TMEM231: variants seen among roughly 807,000 people sequenced by gnomAD.
TMEM231 encodes transmembrane protein 231.
In TMEM231, 40 loss-of-function variants were observed where a neutral mutation model predicts 38.5. That is an observed-to-expected ratio of 1.04 (90% CI 0.81 to 1.35). The LOEUF (loss-of-function observed/expected upper bound fraction) is 1.35, where lower values mean the gene tolerates loss of function less well. Among genes scored for constraint, TMEM231 ranks in the 40% most tolerant of loss-of-function variants. The pLI is 0.00. For synonymous variants in TMEM231, 199 were observed against 181.7 expected, an observed-to-expected ratio of 1.10 and a Z score of -0.77; for missense variants, 420 against 416.9, an observed-to-expected ratio of 1.01 and a Z score of -0.07.
At chr16:75,555,116 AC>A (rs1357851159) in intron 2 of TMEM231, 1 of 152,250 alleles carries the variant, frequency 6.6e-6, no homozygotes, top group Non-Finnish European at 1.5e-5. Flanking sequence ...AGGAGTGACT[AC>A]AAAGGAAGCA....
chr16:75,555,047 GAAGGAAAACCAGAAGTTTCATACTTCTA>G (rs938241551), intron 2 of TMEM231: 3 of 152,170 alleles, frequency 2.0e-5, no homozygotes, highest in African/African-American at 4.8e-5. Flanking sequence ...GAATTTGAAA[GAAGGAAAACCAGAAGTTTCATACTTCTA>G]AAGGAAAACG....
Position 75,538,903 on chromosome 16 carries a change from T to C in TMEM231, c.*1091A>G, listed in dbSNP as rs1277368590. The C allele has an allele frequency of 1.3e-5, 2 of 152,252 alleles. No individual in the cohort carries two copies. Among genetic ancestry groups the C allele is most frequent in the Admixed American group, 6.5e-5 (1 of 15,284 alleles). The allele number at this position is 152,252 out of a possible 1,614,324, so 9.4% of individuals were successfully genotyped here. A position where few individuals can be genotyped will look rare whatever the true frequency, so the allele number is the denominator to read the frequency against. ...TCCACTGGACTGCTTGGTATTCTGC[T>C]AGTGGCCAGGCTGGACTGGCCTGCC... On this transcript the variant is annotated 3_prime_UTR_variant, in exon 7 of 7. Coordinates refer to ENST00000258173, the MANE Select transcript of TMEM231 (RefSeq NM_001077418.3).
At chr16:75,541,710 A>T (rs1000280536) in intron 5 of TMEM231, 1 of 262,668 alleles carries the variant, frequency 3.8e-6, no homozygotes, top group Non-Finnish European at 7.2e-6. Flanking sequence ...TAACTGAAGG[A>T]ATACTATACT....
chr16:75,545,346 T>C lies in TMEM231; in HGVS notation c.582+6A>G, dbSNP rs376300743. ...AAAGGAGCTGGACAATGAGAAGCGC[T>C]CTTACGTTGTATCGGGCATCTAGGC... On this transcript the variant is annotated splice_donor_region_variant and intron_variant, in intron 4 of 6. Coordinates refer to ENST00000258173, the MANE Select transcript of TMEM231 (RefSeq NM_001077418.3). 175 of 1,612,078 alleles carry C rather than the reference T, an allele frequency of 1.1e-4. No homozygotes were observed. Among genetic ancestry groups the C allele is most frequent in the East Asian group, 3.8e-4 (17 of 44,834 alleles).
rs547726287 is a variant in TMEM231, at chr16:75,555,051, G to A, written c.309+753C>T. 5.9e-5 allele frequency: 9 copies of A among 152,252 alleles called. No individual in the cohort carries two copies. In the South Asian group the frequency reaches 1.9e-3, roughly 32 times the overall value. The allele number at this position is 152,252 out of a possible 1,614,324, so 9.4% of individuals were successfully genotyped here. A position where few individuals can be genotyped will look rare whatever the true frequency, so the allele number is the denominator to read the frequency against. On this transcript the variant is annotated intron_variant, in intron 2 of 6. Coordinates refer to ENST00000258173, the MANE Select transcript of TMEM231 (RefSeq NM_001077418.3). ...TGAAGAGATTCGAATTTGAAAGAAG[G>A]AAAACCAGAAGTTTCATACTTCTAA...
chr16:75,556,261 C>A, upstream of TMEM231: 1 of 1,383,436 alleles, frequency 7.2e-7, no homozygotes. Context: ...TTGGCTTCTC[C>A]TGGTTGCCAT....
chr16:75,555,141 A>G (rs1163239067), intron 2 of TMEM231: 1 of 152,232 alleles, frequency 6.6e-6, no homozygotes, highest in Non-Finnish European at 1.5e-5. Flanking sequence ...GCTTATCTCA[A>G]AGCAAATACT....
intron 4 of TMEM231, among the ~76,000 whole-genome samples, chr16:75,543,178 G>C (rs2080647528): frequency 6.6e-6 from 1 of 151,734 alleles, no homozygotes; most frequent in Non-Finnish European, 1.5e-5. Context: ...GAGGCCATGA[G>C]TTCAAGGCCG....
chr16:75,548,484 A>G (rs1486330942), intron 2 of TMEM231, among the ~76,000 whole-genome samples: 2 of 152,248 alleles, frequency 1.3e-5, no homozygotes, highest in Non-Finnish European at 2.9e-5. Context: ...CTAATGGGGC[A>G]TACATTCCCG....
rs1555504394 is a variant in TMEM231, at chr16:75,539,538, G to C, written c.*456C>G. ...TGTGAATGGGAAATGGAGAAGCCCA[G>C]GGGTGCAAAGTGCTAGTGATTGGCA... is the stretch of plus-strand genomic sequence containing the variant. On this transcript the variant is annotated 3_prime_UTR_variant, in exon 7 of 7. Coordinates refer to ENST00000258173, the MANE Select transcript of TMEM231 (RefSeq NM_001077418.3). 8 of 152,188 alleles carry C rather than the reference G, an allele frequency of 5.3e-5. No individual in the cohort carries two copies. The South Asian group carries it at 1.8e-3, about 33-fold the overall frequency. The allele number at this position is 152,188 out of a possible 1,614,324, so 9.4% of individuals were successfully genotyped here.
chr16:75,540,320 C>T (rs983186515), intron 6 of TMEM231, 146 bp from the exon 7 acceptor site: 2 of 780,700 alleles, frequency 2.6e-6, no homozygotes, highest in Non-Finnish European at 3.9e-6. Context: ...CTGAACTTGG[C>T]CAAATGGTAA....
Position 75,555,897 on chromosome 16 carries a change from C to G in TMEM231, c.216G>C (p.Leu72=). ...RFQHQVLLVA[L]LGPESDGFLA... is the part of the protein sequence containing the mutation. ...GGAACCCGTCGCTTTCGGGTCCGAG[C>G]AGGGCCACGAGCAGCACCTGGTGTT... The change falls in exon 2 of 7, where the codon CTG becomes CTC. Residue 72 remains leucine, a synonymous_variant. Transcript: ENST00000258173. The G allele has an allele frequency of 6.3e-7, 1 of 1,598,720 alleles. No individual in the cohort carries two copies. The highest frequency in any genetic ancestry group is 8.5e-7 in the Non-Finnish European group (1 of 1,173,242).
chr16:75,542,723 G>C, intron 4 of TMEM231, 40 bp from the exon 5 acceptor site: 1 of 1,586,690 alleles, frequency 6.3e-7, no homozygotes, highest in African/African-American at 1.3e-5. Flanking sequence ...GCACCTGGGA[G>C]ACTCCTCCCC....
At chr16:75,540,245 T>C (rs1475510875) in intron 6 of TMEM231, 71 bp from the exon 7 acceptor site, 6 of 1,471,526 alleles carry the variant, frequency 4.1e-6, no homozygotes, top group Non-Finnish European at 5.5e-6. Flanking sequence ...TGGAATTGGC[T>C]GTGGCAGAGG....
In TMEM231 at chr16:75,537,853, G is replaced by A. The variant is rs2080576451; in HGVS notation, c.*2141C>T. ...GTCAGAAACTATCAACATCTGGTCT[G>A]TAAATAATTTCATATTCACCAGACA... On this transcript the variant is annotated 3_prime_UTR_variant, in exon 7 of 7. Transcript: ENST00000258173. 6.6e-6 allele frequency: 1 copy of A among 152,148 alleles called. No individual in the cohort carries two copies. Among genetic ancestry groups the A allele is most frequent in the South Asian group, 2.1e-4 (1 of 4,826 alleles). 9.4% of individuals were successfully genotyped at this position (152,148 alleles called of 1,614,324 possible).
chr16:75,542,641 C>T lies in TMEM231; in HGVS notation c.625G>A (p.Asp209Asn), dbSNP rs200799769. 4.3e-5 allele frequency: 69 copies of T among 1,613,714 alleles called. No homozygotes were observed. Among genetic ancestry groups the T allele is most frequent in the Non-Finnish European group, 5.5e-5 (65 of 1,179,866 alleles). ...TAGGCAGCAACAATATGGGTGAGGT[C>T]GTAGTCATAGGCAAAGGGGCTGGTC... Reference protein sequence around the residue: ...NGTSPFAYDYDLTHIVAAYQE... With the variant: ...NGTSPFAYDYNLTHIVAAYQE... Residue 209 changes from aspartate (D) to asparagine (N), a missense_variant, in exon 5 of 7, where the codon GAC becomes AAC. Coordinates refer to ENST00000258173, the MANE Select transcript of TMEM231 (RefSeq NM_001077418.3).
chr16:75,556,279 G>A, upstream of TMEM231: 1 of 1,385,546 alleles, frequency 7.2e-7, no homozygotes. Context: ...CATCGCCTCG[G>A]TCTCCACGGC....
chr16:75,552,540 G>C (rs2080774946), intron 2 of TMEM231, among the ~76,000 whole-genome samples: 1 of 152,190 alleles, frequency 6.6e-6, no homozygotes, highest in South Asian at 2.1e-4. Context: ...AAATTATGGA[G>C]AGCTTTCCTG....
chr16:75,547,214 C>A (rs1047886270), intron 2 of TMEM231, among the ~76,000 whole-genome samples: 1 of 152,214 alleles, frequency 6.6e-6, no homozygotes, highest in East Asian at 1.9e-4. Flanking sequence ...GCATTCCCAT[C>A]TGGATCCACC....
Sources: gnomAD v4.1 joint callset for allele counts (sites outside exome capture counted in the v4.1 genomes callset) on GRCh38, gnomAD v4.1.1 for gene constraint, MANE v1.5 for transcripts, NCBI Gene and HGNC (gene_info 2026-07-23, HGNC 2026-07-21) for gene names.